Variants in CNTN5 observed in about 807,000 individuals in gnomAD.
CNTN5 encodes contactin-5.
Under a neutral mutation model 129.1 loss-of-function variants are expected in CNTN5, and 77 were observed. The ratio of observed to expected loss-of-function variants is 0.60; its 90% CI spans 0.50 to 0.72. CNTN5 has a LOEUF of 0.72. Ranked by LOEUF, CNTN5 falls within the 30% of genes least tolerant of loss-of-function variation. The pLI is 0.00. For synonymous variants in CNTN5, 509 were observed against 465.6 expected (o/e 1.09, Z -1.20); for missense variants, 1,478 against 1,328.8 (o/e 1.11, Z -1.75).
At chr11:99,415,006 T>C (rs1240796450) in intron 2 of CNTN5, among the ~76,000 whole-genome samples, 1 of 152,180 alleles carries the variant, frequency 6.6e-6, no homozygotes, top group African/African-American at 2.4e-5. Context: ...CAACTCAATA[T>C]TGTAATTCTT....
intron 13 of CNTN5, among the ~76,000 whole-genome samples, chr11:100,155,152 A>G (rs187350583): frequency 6.6e-5 from 10 of 152,262 alleles, no homozygotes; most frequent in Admixed American, 1.3e-4. Flanking sequence ...TCATGGTTTT[A>G]GGTCTAACAT....
At chr11:100,037,339 G>A (rs1172910142) in intron 9 of CNTN5, among the ~76,000 whole-genome samples, 2 of 151,952 alleles carry the variant, frequency 1.3e-5, no homozygotes, top group African/African-American at 4.8e-5. Context: ...TGGTGGATAA[G>A]CTTTTTGATG....
At chr11:99,743,829 A>G (rs11221184) in intron 3 of CNTN5, among the ~76,000 whole-genome samples, 2 of 152,200 alleles carry the variant, frequency 1.3e-5, no homozygotes, top group Non-Finnish European at 2.9e-5. Context: ...CTAAATATAG[A>G]TAAGTATTAA....
chr11:99,171,544 C>A (rs532947146), intron 1 of CNTN5, among the ~76,000 whole-genome samples: 56 of 152,112 alleles, frequency 3.7e-4, no homozygotes, highest in Non-Finnish European at 7.4e-4. Context: ...TGCTCTATGT[C>A]CTGTTTCCTT....
At chr11:99,743,490 C>A (rs1241181183) in intron 3 of CNTN5, among the ~76,000 whole-genome samples, 2 of 152,126 alleles carry the variant, frequency 1.3e-5, no homozygotes, top group African/African-American at 2.4e-5. Flanking sequence ...GTTATTAACC[C>A]TCCTGAATCT....
At chr11:99,481,058 T>C (rs943738840) in intron 2 of CNTN5, among the ~76,000 whole-genome samples, 1 of 152,122 alleles carries the variant, frequency 6.6e-6, no homozygotes, top group Non-Finnish European at 1.5e-5. Flanking sequence ...TTGAAAATTA[T>C]GCCTATACCA....
chr11:100,051,873 C>T (rs1942970223), intron 9 of CNTN5, among the ~76,000 whole-genome samples: 1 of 151,780 alleles, frequency 6.6e-6, no homozygotes, highest in African/African-American at 2.4e-5. Context: ...ATAAATAATT[C>T]TTATAACTGG....
At chr11:100,282,814 C>T (rs185475191) in intron 18 of CNTN5, among the ~76,000 whole-genome samples, 5 of 152,230 alleles carry the variant, frequency 3.3e-5, no homozygotes, top group African/African-American at 1.2e-4. Flanking sequence ...CAGTCCTTCC[C>T]ATTCTTCCCT....
rs189621569 is a variant in CNTN5, at chr11:100,111,278, T to G, written c.1580+36984T>G. ...AACCAGTGCCGTTTTTTGTTTCAGTTAAATTCTCCAGTTACCAATTCACTT... is the reference window on the plus strand; with the variant it reads ...AACCAGTGCCGTTTTTTGTTTCAGTGAAATTCTCCAGTTACCAATTCACTT... On this transcript the variant is annotated intron_variant, in intron 13 of 24. Coordinates refer to ENST00000524871, the MANE Select transcript of CNTN5 (RefSeq NM_014361.4). Among the ~76,000 whole-genome samples, 74 of 152,280 alleles carry G rather than the reference T, an allele frequency of 4.9e-4. 1 individual carries two copies. The East Asian group carries it at 0.014, about 29-fold the overall frequency.
In CNTN5 at chr11:100,068,282, T is replaced by C. The variant is rs368265586; in HGVS notation, c.1163-2142T>C. On this transcript the variant is annotated intron_variant, in intron 10 of 24. Coordinates refer to ENST00000524871, the MANE Select transcript of CNTN5 (RefSeq NM_014361.4). ...CAGCAACAGAAGAGAGGTAACAAGC[T>C]ACGACATGAATATTTTCCAAACGAA... Among the ~76,000 whole-genome samples the C allele has an allele frequency of 2.0e-5, 3 of 152,284 alleles. No homozygotes were observed. In the East Asian group the frequency reaches 5.8e-4, roughly 29 times the overall value.
intron 2 of CNTN5, among the ~76,000 whole-genome samples, chr11:99,508,511 C>A (rs1946710315): frequency 6.6e-6 from 1 of 152,096 alleles, no homozygotes; most frequent in Admixed American, 6.5e-5. Context: ...ATACAAGCGA[C>A]TTGAGCATCC....
At chr11:99,791,937 AT>A (rs1393748542) in intron 3 of CNTN5, among the ~76,000 whole-genome samples, 1 of 151,972 alleles carries the variant, frequency 6.6e-6, no homozygotes, top group East Asian at 1.9e-4. Flanking sequence ...AATGTTACTG[AT>A]TTTTGAACAT....
chr11:99,213,231 AT>A lies in CNTN5; in HGVS notation c.-209-112108del, dbSNP rs35698948. ...TATATATGTGTGTGTATATATATATATTTTTTTCTATATGTATACATATATA... is the reference window on the plus strand; with the variant it reads ...TATATATGTGTGTGTATATATATATATTTTTTCTATATGTATACATATATA... On this transcript the variant is annotated intron_variant, in intron 1 of 24. Transcript: ENST00000524871. Among the ~76,000 whole-genome samples, 8 of 144,046 alleles carry A rather than the reference AT, an allele frequency of 5.6e-5. No homozygotes were observed. In the East Asian group the frequency reaches 1.2e-3, roughly 21 times the overall value. 94.5% of individuals were successfully genotyped at this position (144,046 alleles called of 152,430 possible). A position where few individuals can be genotyped will look rare whatever the true frequency, so the allele number is the denominator to read the frequency against.
intron 3 of CNTN5, among the ~76,000 whole-genome samples, chr11:99,609,014 C>T (rs541654199): frequency 5.3e-5 from 8 of 152,252 alleles, no homozygotes; most frequent in African/African-American, 1.9e-4. Flanking sequence ...TTAAACTTGT[C>T]CTTTAGCTTT....
At chr11:99,891,527 G>A (rs2135909096) in intron 6 of CNTN5, among the ~76,000 whole-genome samples, 1 of 151,880 alleles carries the variant, frequency 6.6e-6, no homozygotes, top group South Asian at 2.1e-4. Flanking sequence ...TCCCCTCTCT[G>A]TGTCCATGTG....
intron 13 of CNTN5, among the ~76,000 whole-genome samples, chr11:100,165,810 A>G (rs753004642): frequency 1.3e-5 from 2 of 151,694 alleles, no homozygotes; most frequent in Non-Finnish European, 2.9e-5. Context: ...CTTGCATTCT[A>G]TTTTGTTAAC....
intron 1 of CNTN5, among the ~76,000 whole-genome samples, chr11:99,222,029 T>C (rs908804441): frequency 1.3e-5 from 2 of 152,000 alleles, no homozygotes; most frequent in Non-Finnish European, 2.9e-5. Context: ...CAGTAACTTG[T>C]CTTTTAGACT....
At chr11:100,345,983 G>T (rs891126041) in intron 23 of CNTN5, among the ~76,000 whole-genome samples, 46 of 152,170 alleles carry the variant, frequency 3.0e-4, no homozygotes, top group African/African-American at 1.1e-3. Context: ...ATCCAATTTG[G>T]TAATTTATTT....
chr11:100,344,372 G>A (rs1034510863), intron 23 of CNTN5, among the ~76,000 whole-genome samples: 4 of 152,162 alleles, frequency 2.6e-5, no homozygotes, highest in Non-Finnish European at 5.9e-5. Flanking sequence ...CATAAATAAT[G>A]TAATAAATGA....
Sources: allele counts gnomAD v4.1 joint callset (sites outside exome capture counted in the v4.1 genomes callset), GRCh38; gene constraint gnomAD v4.1.1; transcripts MANE v1.5; gene names NCBI Gene and HGNC (gene_info 2026-07-23, HGNC 2026-07-21).